PIK3C2B: variants seen among roughly 807,000 people sequenced by gnomAD.
The protein encoded by PIK3C2B is phosphatidylinositol-4-phosphate 3-kinase catalytic subunit type 2 beta, also known as phosphatidylinositol 4-phosphate 3-kinase C2 domain-containing subunit beta.
In PIK3C2B, 83 loss-of-function variants were observed where a neutral mutation model predicts 184.3. The ratio of observed to expected loss-of-function variants is 0.45; its 90% CI spans 0.38 to 0.54. The LOEUF is 0.54. PIK3C2B is among the 20% of genes least tolerant of loss of function. The probability of loss-of-function intolerance (pLI) is 0.00; values close to 1 mark genes in which losing one functional copy is unlikely to be tolerated. For synonymous variants in PIK3C2B, 779 were observed against 837.6 expected (o/e 0.93, Z 1.21); for missense variants, 1,736 against 2,113.5 (o/e 0.82, Z 3.50).
chr1:204,461,877 C>T (rs1352653241), intron 5 of PIK3C2B, among the ~76,000 whole-genome samples: 1 of 152,138 alleles, frequency 6.6e-6, no homozygotes, highest in African/African-American at 2.4e-5. Flanking sequence ...CACTCACCCC[C>T]TCAGTATCAG....
intron 19 of PIK3C2B, among the ~76,000 whole-genome samples, chr1:204,443,123 C>T (rs1241008863): frequency 1.3e-5 from 2 of 152,250 alleles, no homozygotes; most frequent in African/African-American, 4.8e-5. Context: ...TCAGCCCTCA[C>T]TTGCCCCTTC....
intron 23 of PIK3C2B, among the ~76,000 whole-genome samples, chr1:204,434,849 C>T (rs1441790459): frequency 6.6e-6 from 1 of 152,260 alleles, no homozygotes; most frequent in East Asian, 1.9e-4. Context: ...TTCACCACTT[C>T]ATCTGAATAC....
At chr1:204,430,296 G>A (rs1203834138) in intron 28 of PIK3C2B, among the ~76,000 whole-genome samples, 1 of 151,916 alleles carries the variant, frequency 6.6e-6, no homozygotes, top group Non-Finnish European at 1.5e-5. Context: ...AGAGTCCTGT[G>A]GCTCCCCAGA....
chr1:204,465,616 C>T (rs529721412), intron 2 of PIK3C2B, among the ~76,000 whole-genome samples: 2 of 151,712 alleles, frequency 1.3e-5, no homozygotes, highest in East Asian at 4.0e-4. Context: ...TAAGGCAATC[C>T]AGTGCTGTTG....
intron 1 of PIK3C2B, among the ~76,000 whole-genome samples, chr1:204,485,542 T>C (rs1157271177): frequency 6.6e-6 from 1 of 151,924 alleles, no homozygotes; most frequent in Non-Finnish European, 1.5e-5. Flanking sequence ...CAGGATAATC[T>C]TCCTACAGGG....
At position 204,469,488 on chromosome 1, in the gene PIK3C2B, G is replaced by A; in HGVS notation, c.315C>T (p.His105=). 6.2e-7 allele frequency: 1 copy of A among 1,607,368 alleles called. No individual in the cohort carries two copies. Among genetic ancestry groups the A allele is most frequent in the South Asian group, 1.1e-5 (1 of 89,782 alleles). ...SLSPQEGPPN[H]STSQGPQPGS... is the part of the protein sequence containing the mutation. ...CAGGCTGTGGCCCTTGGGAGGTAGA[G>A]TGGTTGGGCGGCCCTTCCTGTGGGG... The change falls in exon 2 of 33, where the codon CAC becomes CAT. Residue 105 remains histidine (H), a synonymous_variant. Transcript: ENST00000684373.
intron 23 of PIK3C2B, among the ~76,000 whole-genome samples, chr1:204,437,450 G>A (rs1675411299): frequency 1.3e-5 from 2 of 152,102 alleles, no homozygotes; most frequent in African/African-American, 4.8e-5. Context: ...AGCCAAGCTC[G>A]TGCCATTGCA....
chr1:204,424,456 C>T lies in PIK3C2B; in HGVS notation c.*396G>A. The T allele has an allele frequency of 2.9e-6, 1 of 349,940 alleles. No individual in the cohort carries two copies. Among genetic ancestry groups the T allele is most frequent in the Non-Finnish European group, 5.6e-6 (1 of 177,058 alleles). 21.7% of individuals were successfully genotyped at this position (349,940 alleles called of 1,614,324 possible). A position where few individuals can be genotyped will look rare whatever the true frequency, so the allele number is the denominator to read the frequency against. On this transcript the variant is annotated 3_prime_UTR_variant, in exon 33 of 33. Coordinates refer to ENST00000684373, the MANE Select transcript of PIK3C2B (RefSeq NM_001377334.1). ...CGTCCCTTCTCGCAAGGCTTCCTGT[C>T]CCAGTTAGGACAACATCACTATTTC...
intron 2 of PIK3C2B, among the ~76,000 whole-genome samples, chr1:204,467,850 A>AAAAAAAG (rs58822307): frequency 6.6e-6 from 1 of 150,386 alleles, no homozygotes; most frequent in East Asian, 1.9e-4. Context: ...AAAAAAAAAA[A>AAAAAAAG]GAAGGCATCA....
chr1:204,472,702 C>A (rs1003707398), intron 1 of PIK3C2B, among the ~76,000 whole-genome samples: 4 of 152,092 alleles, frequency 2.6e-5, no homozygotes, highest in African/African-American at 9.6e-5. Context: ...ATCACTTGAA[C>A]CCGGGAGGCG....
intron 15 of PIK3C2B, among the ~76,000 whole-genome samples, chr1:204,446,646 G>T (rs1029393203): frequency 2.0e-5 from 3 of 152,208 alleles, no homozygotes; most frequent in African/African-American, 4.8e-5. Context: ...GGCTTTCAAG[G>T]ACCTGCAGCT....
intron 1 of PIK3C2B, among the ~76,000 whole-genome samples, chr1:204,473,122 T>A (rs1239818500): frequency 6.6e-6 from 1 of 152,210 alleles, no homozygotes; most frequent in Admixed American, 6.5e-5. Flanking sequence ...AAGGCTCAGA[T>A]AGACTCTTGG....
rs1300057752 is a variant in PIK3C2B, at chr1:204,447,674, T to C, written c.2347-96A>G. On this transcript the variant is annotated intron_variant, in intron 14 of 32. Coordinates refer to ENST00000684373, the MANE Select transcript of PIK3C2B (RefSeq NM_001377334.1). This position sits in a 1 kb window ranked among gnomAD's most constrained non-coding sequence, Gnocchi z 4.1. Reference sequence around the variant, plus strand: ...CACCCCAGCATTCCGGCCTTGTCCCTCCCTCACTTTCCCTCAGGTTCTTTG... The same window carrying C: ...CACCCCAGCATTCCGGCCTTGTCCCCCCCTCACTTTCCCTCAGGTTCTTTG... The C allele has an allele frequency of 2.3e-5, 18 of 775,164 alleles. No individual in the cohort carries two copies. Among genetic ancestry groups the C allele is most frequent in the Non-Finnish European group, 3.9e-5 (18 of 467,522 alleles). The allele number at this position is 775,164 out of a possible 1,614,324, so 48.0% of individuals were successfully genotyped here.
chr1:204,476,214 T>A (rs1656693807), intron 1 of PIK3C2B, among the ~76,000 whole-genome samples: 1 of 152,080 alleles, frequency 6.6e-6, no homozygotes. Context: ...GGAATCAGGG[T>A]TTCATGTTTC....
chr1:204,425,537 C>T, intron 32 of PIK3C2B, 76 bp downstream of exon 32: 2 of 1,495,382 alleles, frequency 1.3e-6, no homozygotes, highest in Non-Finnish European at 1.9e-6. Flanking sequence ...TTAATACGTT[C>T]TTCAATACGA....
At position 204,447,581 on chromosome 1, in the gene PIK3C2B, G is replaced by A. The variant is rs767643784; in HGVS notation, c.2347-3C>T. 1.2e-6 allele frequency: 2 copies of A among 1,603,082 alleles called. No individual in the cohort carries two copies. Among genetic ancestry groups the A allele is most frequent in the Admixed American group, 1.7e-5 (1 of 59,952 alleles). On this transcript the variant is annotated splice_polypyrimidine_tract_variant and splice_region_variant and intron_variant, in intron 14 of 32. Coordinates refer to ENST00000684373, the MANE Select transcript of PIK3C2B (RefSeq NM_001377334.1). This position sits in a 1 kb window ranked among gnomAD's most constrained non-coding sequence, Gnocchi z 4.1. ...AAGGCCGAGGTGGGGAAGTCAATCT[G>A]GGGGATGAGATCAGGGATGTGAGGA...
At chr1:204,450,056 C>CTAATT in intron 12 of PIK3C2B, 39 bp from the exon 13 acceptor site, 1 of 1,495,862 alleles carries the variant, frequency 6.7e-7, no homozygotes, top group Non-Finnish European at 9.0e-7. Flanking sequence ...GGGGCCACTC[C>CTAATT]TGTGGCTTCA....
intron 8 of PIK3C2B, among the ~76,000 whole-genome samples, chr1:204,459,537 T>C (rs1040451855): frequency 1.3e-5 from 2 of 152,168 alleles, no homozygotes; most frequent in Non-Finnish European, 2.9e-5. Context: ...ACATTGCTCA[T>C]AGGATGCATG....
chr1:204,432,034 G>A (rs1364365573), intron 27 of PIK3C2B, among the ~76,000 whole-genome samples, 166 bp downstream of exon 27: 1 of 152,142 alleles, frequency 6.6e-6, no homozygotes, highest in Non-Finnish European at 1.5e-5. Context: ...CCAATTCTAG[G>A]CAGATCACGT....
Sources: allele counts gnomAD v4.1 joint callset (sites outside exome capture counted in the v4.1 genomes callset), GRCh38; gene constraint gnomAD v4.1.1; non-coding constraint Gnocchi (gnomAD v3.1); transcripts MANE v1.5; gene names NCBI Gene and HGNC (gene_info 2026-07-23, HGNC 2026-07-21).